Variants in DPYSL4 observed in about 807,000 individuals in gnomAD.
The protein encoded by DPYSL4 is dihydropyrimidinase-related protein 4.
A neutral mutation model predicts 63.4 loss-of-function variants in DPYSL4; 43 were observed. The observed-to-expected ratio is 0.68, with a 90% CI of 0.53 to 0.88. The LOEUF is 0.88. DPYSL4 is among the 40% of genes least tolerant of loss of function. The probability of loss-of-function intolerance (pLI) is 0.00; values close to 1 mark genes in which losing one functional copy is unlikely to be tolerated. For synonymous variants in DPYSL4, 353 were observed against 331.7 expected (o/e 1.06, Z -0.70); for missense variants, 733 against 819.5 (o/e 0.89, Z 1.29).
chr10:132,200,652 TGGTCCCAGCGGGG>T (rs1393085227), intron 9 of DPYSL4, 140 bp downstream of exon 9: 1 of 1,386,740 alleles, frequency 7.2e-7, no homozygotes, highest in Non-Finnish European at 9.6e-7. Flanking sequence ...CTGAGCCCTT[TGGTCCCAGCGGGG>T]GCTCCCCTGG....
rs1347217918 is a variant in DPYSL4 at position 132,194,957 on chromosome 10, C to G, written c.426C>G (p.Thr142=). Residue 142 remains threonine, a synonymous_variant, in exon 4 of 14, where the codon ACC becomes ACG. Coordinates refer to ENST00000338492, the MANE Select transcript of DPYSL4 (RefSeq NM_006426.3). ...CCDYSLHVDI[T]RWHESIKEEL... ...ACTACTCCCTGCACGTGGACATCAC[C>G]CGATGGCATGAGAGCATCAAGGAGG... is the stretch of plus-strand genomic sequence containing the variant. The G allele has an allele frequency of 6.2e-7, 1 of 1,610,968 alleles. No individual in the cohort carries two copies. Among genetic ancestry groups the G allele is most frequent in the Non-Finnish European group, 8.5e-7 (1 of 1,179,928 alleles).
intron 9 of DPYSL4, 24 bp from the exon 10 acceptor site, chr10:132,200,818 C>T: frequency 6.2e-7 from 1 of 1,608,606 alleles, no homozygotes; most frequent in South Asian, 1.1e-5. Context: ...AGGCCAGGAC[C>T]CTCTGACCCT....
At chr10:132,204,753 C>T (rs1465701612) in intron 13 of DPYSL4, 86 bp from the exon 14 acceptor site, 3 of 1,218,280 alleles carry the variant, frequency 2.5e-6, no homozygotes, top group East Asian at 2.6e-5. Context: ...CCCACTGACG[C>T]AGCCACTGAC....
intron 1 of DPYSL4, 37 bp downstream of exon 1, chr10:132,187,139 C>A (rs759505531): frequency 6.7e-7 from 1 of 1,497,418 alleles, no homozygotes; most frequent in Non-Finnish European, 9.0e-7. Context: ...GCCCCCTGCC[C>A]GCCGCCCGGA....
intron 4 of DPYSL4, 104 bp downstream of exon 4, chr10:132,195,113 G>A (rs1422000215): frequency 1.7e-5 from 23 of 1,345,548 alleles, no homozygotes; most frequent in African/African-American, 4.4e-5. Context: ...CCTGGGGGCT[G>A]GTGTCCAGGT....
Position 132,196,931 on chromosome 10 carries a change from AGG to A in DPYSL4, c.540+10_540+11del, listed in dbSNP as rs2061953316. 1.9e-6 allele frequency: 3 copies of A among 1,613,648 alleles called. No homozygotes were observed. Among genetic ancestry groups the A allele is most frequent in the Non-Finnish European group, 2.5e-6 (3 of 1,179,960 alleles). ...AGTGCAGCGACAGCCAGGTAAGGGC[AGG>A]CGTGGGGAACGGAGTGGGCAGGTAT... On this transcript the variant is annotated intron_variant, in intron 5 of 13. Transcript: ENST00000338492.
chr10:132,198,383 C>A (rs61865799), intron 6 of DPYSL4, 32 bp from the exon 7 acceptor site: 1 of 1,589,152 alleles, frequency 6.3e-7, no homozygotes, highest in Non-Finnish European at 8.6e-7. Flanking sequence ...CCCTTCAGGG[C>A]TTGGAGCGAG....
chr10:132,192,396 C>A, intron 2 of DPYSL4: 1 of 1,120,760 alleles, frequency 8.9e-7, no homozygotes, highest in South Asian at 4.1e-5. Flanking sequence ...CAAAAAAGTA[C>A]CAACCAGGGA....
At chr10:132,202,358 G>A (rs1016865561) in intron 11 of DPYSL4, among the ~76,000 whole-genome samples, 9 of 152,238 alleles carry the variant, frequency 5.9e-5, no homozygotes, top group Admixed American at 1.3e-4. Context: ...GGGGCAGAGC[G>A]GTGCCGTGTG....
At chr10:132,200,774 G>T (rs2062003641) in intron 9 of DPYSL4, 68 bp from the exon 10 acceptor site, 1 of 1,569,976 alleles carries the variant, frequency 6.4e-7, no homozygotes, top group African/African-American at 1.4e-5. Context: ...TGGCCAAGGG[G>T]GCTGGAGCTG....
chr10:132,202,706 A>T lies in DPYSL4; in HGVS notation c.1342A>T (p.Ser448Cys), dbSNP rs1162044460. Residue 448 changes from serine (S) to cysteine (C), a missense_variant, in exon 12 of 14, where the codon AGT becomes TGT. Coordinates refer to ENST00000338492, the MANE Select transcript of DPYSL4 (RefSeq NM_006426.3). Reference sequence around the variant, plus strand: ...CCGGGGAGCGCCTGCCGTGGTCATAAGTCAGGGCCGAGTGGCGCTGGAGGA... The same window carrying T: ...CCGGGGAGCGCCTGCCGTGGTCATATGTCAGGGCCGAGTGGCGCTGGAGGA... ...ECRGAPAVVISQGRVALEDGK... is the reference protein window; with the variant it reads ...ECRGAPAVVICQGRVALEDGK... 6.2e-7 allele frequency: 1 copy of T among 1,613,372 alleles called. No individual in the cohort carries two copies. Among genetic ancestry groups the T allele is most frequent in the African/African-American group, 1.3e-5 (1 of 74,948 alleles).
chr10:132,193,024 T>A (rs2061897818), intron 3 of DPYSL4, among the ~76,000 whole-genome samples, 182 bp downstream of exon 3: 1 of 152,178 alleles, frequency 6.6e-6, no homozygotes, highest in South Asian at 2.1e-4. Context: ...TCTGGGTGTT[T>A]CTGTGTGGCC....
Position 132,197,180 on chromosome 10 carries a change from G to A in DPYSL4, c.621+79G>A. ...GGGCTGCCTGTGGGGTGGGGCAGGG[G>A]TCTGAGGGTGACTTTCATGATACGC... On this transcript the variant is annotated intron_variant, in intron 6 of 13. Transcript: ENST00000338492. The A allele has an allele frequency of 6.3e-6, 8 of 1,271,168 alleles. No individual in the cohort carries two copies. The South Asian group carries it at 9.3e-5, about 15-fold the overall frequency. 78.7% of individuals were successfully genotyped at this position (1,271,168 alleles called of 1,614,324 possible). A position where few individuals can be genotyped will look rare whatever the true frequency, so the allele number is the denominator to read the frequency against.
intron 8 of DPYSL4, 73 bp downstream of exon 8, chr10:132,199,044 G>A: frequency 6.4e-7 from 1 of 1,550,976 alleles, no homozygotes; most frequent in Non-Finnish European, 8.7e-7. Flanking sequence ...CTGGGGAGAT[G>A]CAGGTTCCCT....
At chr10:132,197,390 C>A (rs1231072987) in intron 6 of DPYSL4, among the ~76,000 whole-genome samples, 1 of 152,222 alleles carries the variant, frequency 6.6e-6, no homozygotes, top group African/African-American at 2.4e-5. Flanking sequence ...CCCCAGGGAT[C>A]GAGGCCCCTC....
At chr10:132,195,879 C>T (rs757060253) in intron 4 of DPYSL4, among the ~76,000 whole-genome samples, 1 of 152,236 alleles carries the variant, frequency 6.6e-6, no homozygotes, top group Non-Finnish European at 1.5e-5. Flanking sequence ...GCAGGGCCTG[C>T]ACCTCCCCTC....
intron 5 of DPYSL4, 45 bp from the exon 6 acceptor site, chr10:132,196,976 G>A (rs373230920): frequency 4.4e-5 from 71 of 1,613,098 alleles, no homozygotes; most frequent in Non-Finnish European, 5.7e-5. Context: ...GCCGCTGCTG[G>A]TGCAGGCGCA....
intron 1 of DPYSL4, among the ~76,000 whole-genome samples, chr10:132,188,941 A>G (rs1463021732): frequency 6.6e-6 from 1 of 152,272 alleles, no homozygotes; most frequent in African/African-American, 2.4e-5. Context: ...ACTATGGGGT[A>G]GAGGTTGACA....
At chr10:132,199,117 C>T in intron 8 of DPYSL4, 146 bp downstream of exon 8, 2 of 1,255,770 alleles carry the variant, frequency 1.6e-6, no homozygotes, top group South Asian at 3.2e-5. Context: ...GGGCACTGGA[C>T]CCTGAGTCCC....
Sources: gnomAD v4.1 joint callset for allele counts (sites outside exome capture counted in the v4.1 genomes callset) on GRCh38, gnomAD v4.1.1 for gene constraint, MANE v1.5 for transcripts, NCBI Gene and HGNC (gene_info 2026-07-23, HGNC 2026-07-21) for gene names.